CNPY3: variants seen among roughly 807,000 people sequenced by gnomAD.
CNPY3 encodes protein canopy homolog 3.
In CNPY3, 20 loss-of-function variants were observed where a neutral mutation model predicts 32.0. That is an observed-to-expected ratio of 0.63 (90% CI 0.44 to 0.91). The LOEUF (loss-of-function observed/expected upper bound fraction) is 0.91, where lower values mean the gene tolerates loss of function less well. Among genes scored for constraint, CNPY3 ranks in the 40% least tolerant of loss-of-function variants. The pLI is 0.00. For synonymous variants in CNPY3, 138 were observed against 142.9 expected (o/e 0.97, Z 0.24); for missense variants, 299 against 340.8 (o/e 0.88, Z 0.97).
At chr6:42,929,317 AG>A (rs1767568724), upstream of CNPY3, 1 of 518,406 alleles carries the variant, frequency 1.9e-6, no homozygotes, top group African/African-American at 2.0e-5. Flanking sequence ...TTACTGGCCA[AG>A]GGCGTAAAAA....
chr6:42,930,400 CTG>C (rs1767705410), intron 1 of CNPY3, among the ~76,000 whole-genome samples: 1 of 152,082 alleles, frequency 6.6e-6, no homozygotes, highest in Non-Finnish European at 1.5e-5. Flanking sequence ...AAATGGGAGA[CTG>C]TGGGTGTGTG....
At position 42,933,340 on chromosome 6, in the gene CNPY3, G is replaced by A. The variant is rs188833831; in HGVS notation, c.152-1135G>A. On this transcript the variant is annotated intron_variant, in intron 1 of 5. Coordinates refer to ENST00000372836, the MANE Select transcript of CNPY3 (RefSeq NM_006586.5). ...CTGCATTAGACTGAGTATCTGGAAG[G>A]GAGGGGACCTTGTTTTCATCTCTGT... is the stretch of plus-strand genomic sequence containing the variant. Among the ~76,000 whole-genome samples the A allele has an allele frequency of 2.8e-4, 43 of 152,314 alleles. No homozygotes were observed. In the East Asian group the frequency reaches 8.1e-3, roughly 29 times the overall value.
At chr6:42,936,345 CTG>C (rs1295904386) in intron 3 of CNPY3, among the ~76,000 whole-genome samples, 1 of 152,132 alleles carries the variant, frequency 6.6e-6, no homozygotes, top group Admixed American at 6.5e-5. Flanking sequence ...AGTAATAAAT[CTG>C]TGTTTGCTTT....
chr6:42,938,892 T>A lies in CNPY3; in HGVS notation c.*101T>A. ...GGATGGCCCCGCAGCCTTCAGCCCC[T>A]CCTTGCCTTGGCTGTGCCCTCTTCT... is the stretch of plus-strand genomic sequence containing the variant. On this transcript the variant is annotated 3_prime_UTR_variant, in exon 6 of 6. Transcript: ENST00000372836. 6.9e-7 allele frequency: 1 copy of A among 1,445,664 alleles called. No homozygotes were observed. The allele number at this position is 1,445,664 out of a possible 1,614,324, so 89.6% of individuals were successfully genotyped here. A position where few individuals can be genotyped will look rare whatever the true frequency, so the allele number is the denominator to read the frequency against.
chr6:42,929,163 AC>A (rs1336276007), upstream of CNPY3: 1 of 168,664 alleles, frequency 5.9e-6, no homozygotes, highest in African/African-American at 2.4e-5. Flanking sequence ...ATCTTCCAGC[AC>A]CTGCGCGCCT....
intron 1 of CNPY3, among the ~76,000 whole-genome samples, chr6:42,931,102 C>T (rs760542230): frequency 5.3e-5 from 8 of 152,118 alleles, no homozygotes; most frequent in Non-Finnish European, 1.0e-4. Context: ...ATTGGTCAGG[C>T]TGGTCTTGAA....
At position 42,929,655 on chromosome 6, in the gene CNPY3, G is replaced by C. The variant is rs548586566; in HGVS notation, c.85G>C (p.Glu29Gln). ...GCTGCTGCTGCTGCTGCCGGCCCCG[G>C]AGCTGGGCCCGAGCCAGGCCGGAGC... ...LLLLLLLPAP[E>Q]LGPSQAGAEE... Residue 29 changes from glutamate (E) to glutamine (Q), a missense_variant, in exon 1 of 6, where the codon GAG becomes CAG. Glu to Gln is a conservative substitution (Grantham distance 29, BLOSUM62 2). This residue lies in a region of CNPY3 where 88 missense variants were observed against 62.5 expected (regional missense o/e 1.41). Transcript: ENST00000372836. 1.7e-5 allele frequency: 26 copies of C among 1,553,640 alleles called. No homozygotes were observed. Among genetic ancestry groups the C allele is most frequent in the Non-Finnish European group, 1.4e-5 (16 of 1,149,178 alleles).
rs1006891749 is a variant in CNPY3 at position 42,931,732 on chromosome 6, AT to A, written c.151+2020del. Among the ~76,000 whole-genome samples the A allele has an allele frequency of 3.0e-3, 437 of 146,234 alleles. 2 individuals carry two copies. The highest frequency in any genetic ancestry group is 0.01 in the African/African-American group (414 of 40,288). ...TTTCTGTCTTATTATTATTATTATT[AT>A]TTTTTTTTGAGACGGAGTCTTGCTC... is the stretch of plus-strand genomic sequence containing the variant. On this transcript the variant is annotated intron_variant, in intron 1 of 5. Coordinates refer to ENST00000372836, the MANE Select transcript of CNPY3 (RefSeq NM_006586.5).
Position 42,931,365 on chromosome 6 carries a change from AC to A in CNPY3, c.151+1646del, listed in dbSNP as rs1370453453. Among the ~76,000 whole-genome samples, 21 of 145,490 alleles carry A rather than the reference AC, an allele frequency of 1.4e-4. No individual in the cohort carries two copies. In the East Asian group the frequency reaches 4.2e-3, roughly 29 times the overall value. The stretch of plus-strand genomic sequence containing the variant: ...AGTATTGGGATTACAGGCATGAGCC[AC>A]CGTGCCTGGCCTTTTTTTTTTTTTT... On this transcript the variant is annotated intron_variant, in intron 1 of 5. Transcript: ENST00000372836.
At chr6:42,934,758 C>CA (rs1768094671) in intron 2 of CNPY3, among the ~76,000 whole-genome samples, 160 bp downstream of exon 2, 1 of 152,222 alleles carries the variant, frequency 6.6e-6, no homozygotes, top group South Asian at 2.1e-4. Flanking sequence ...AATTGGGTGA[C>CA]GTGCATAAAT....
At chr6:42,935,931 C>T (rs140374695) in intron 3 of CNPY3, among the ~76,000 whole-genome samples, 87 of 151,036 alleles carry the variant, frequency 5.8e-4, no homozygotes, top group African/African-American at 2.1e-3. Flanking sequence ...TTGCTGCCCC[C>T]GTGGGAACCT....
At position 42,939,244 on chromosome 6, in the gene CNPY3, T is replaced by TA; in HGVS notation, c.*458dup. ...CTGGCCCTTCCCAGAGCCCAAAGAGTAAAAATGTTCTGGTTCTGATTTCTG... is the reference window on the plus strand; with the variant it reads ...CTGGCCCTTCCCAGAGCCCAAAGAGTAAAAAATGTTCTGGTTCTGATTTCTG... On this transcript the variant is annotated 3_prime_UTR_variant, in exon 6 of 6. Coordinates refer to ENST00000372836, the MANE Select transcript of CNPY3 (RefSeq NM_006586.5). 1 of 989,200 alleles carries TA rather than the reference T, an allele frequency of 1.0e-6. No individual in the cohort carries two copies. The highest frequency in any genetic ancestry group is 1.7e-5 in the African/African-American group (1 of 57,258). The allele number at this position is 989,200 out of a possible 1,614,324, so 61.3% of individuals were successfully genotyped here.
rs986806995 is a variant in CNPY3, at chr6:42,939,229, C to G, written c.*438C>G. The stretch of plus-strand genomic sequence containing the variant: ...CACCTTGCACTCTGCCTGGCCCTTC[C>G]CAGAGCCCAAAGAGTAAAAATGTTC... On this transcript the variant is annotated 3_prime_UTR_variant, in exon 6 of 6. Transcript: ENST00000372836. 7.0e-6 allele frequency: 7 copies of G among 993,612 alleles called. No homozygotes were observed. The African/African-American group carries it at 1.2e-4, about 17-fold the overall frequency. 61.5% of individuals were successfully genotyped at this position (993,612 alleles called of 1,614,324 possible).
chr6:42,931,896 G>A (rs1767853137), intron 1 of CNPY3, among the ~76,000 whole-genome samples: 1 of 150,370 alleles, frequency 6.7e-6, no homozygotes, highest in Non-Finnish European at 1.5e-5. Context: ...GGTAATTTTT[G>A]TATTTTTGTA....
intron 1 of CNPY3, among the ~76,000 whole-genome samples, chr6:42,933,432 A>G (rs1004535482): frequency 1.3e-5 from 2 of 152,224 alleles, no homozygotes; most frequent in African/African-American, 4.8e-5. Context: ...AAATGAGGAA[A>G]TAAATGTGCG....
In CNPY3 at chr6:42,934,586, A is replaced by G; in HGVS notation, c.263A>G (p.Lys88Arg). The G allele has an allele frequency of 6.2e-7, 1 of 1,613,986 alleles. No individual in the cohort carries two copies. Among genetic ancestry groups the G allele is most frequent in the South Asian group, 1.1e-5 (1 of 91,070 alleles). ...GILDQKASGVKYTKSDLRLIE... is the reference protein window; with the variant it reads ...GILDQKASGVRYTKSDLRLIE... ...CTGGACCAGAAGGCCTCTGGAGTCA[A>G]ATACACCAAGTCGTAAGTGAATGGG... The change falls in exon 2 of 6, where the codon AAA becomes AGA. Residue 88 changes from lysine (K) to arginine (R), a missense_variant. Transcript: ENST00000372836.
chr6:42,937,944 A>G (rs1768348440), intron 4 of CNPY3, 105 bp downstream of exon 4: 37 of 1,519,398 alleles, frequency 2.4e-5, no homozygotes, highest in Middle Eastern at 2.1e-4. Context: ...GGCTTTGGTC[A>G]GGTCATTTCA....
At chr6:42,928,144 C>G (rs1312254936), upstream of CNPY3, among the ~76,000 whole-genome samples, 2 of 151,608 alleles carry the variant, frequency 1.3e-5, no homozygotes, top group Non-Finnish European at 2.9e-5. Context: ...TGTGCCACCA[C>G]GCCCGGCTAA....
chr6:42,936,562 C>G (rs1325191944), intron 3 of CNPY3, among the ~76,000 whole-genome samples: 1 of 152,142 alleles, frequency 6.6e-6, no homozygotes, highest in East Asian at 1.9e-4. Context: ...GAGACAGAGT[C>G]TCACACTCTG....
Sources: allele counts gnomAD v4.1 joint callset (sites outside exome capture counted in the v4.1 genomes callset), GRCh38; gene constraint gnomAD v4.1.1; regional missense constraint gnomAD v4.1.1; transcripts MANE v1.5; gene names NCBI Gene and HGNC (gene_info 2026-07-23, HGNC 2026-07-21).